The following FAM184A variants were observed in gnomAD, a reference collection of about 807,000 sequenced individuals.
FAM184A encodes protein FAM184A.
Under a neutral mutation model 143.8 loss-of-function variants are expected in FAM184A, and 99 were observed. That is an observed-to-expected ratio of 0.69 (90% CI 0.58 to 0.81). The LOEUF is 0.81. Ranked by LOEUF, FAM184A falls within the 40% of genes least tolerant of loss-of-function variation. The pLI is 0.00. For synonymous variants in FAM184A, 427 were observed against 446.4 expected, an observed-to-expected ratio of 0.96 and a Z score of 0.55; for missense variants, 1,217 against 1,310.5, an observed-to-expected ratio of 0.93 and a Z score of 1.10.
In FAM184A at chr6:119,110,256, G is replaced by A. The variant is rs112341487; in HGVS notation, c.-202+38822C>T. On this transcript the variant is annotated intron_variant, in intron 1 of 16. Coordinates refer to the FAM184A transcript ENST00000352896. ...CGTTTATTTTCCTGGTGGTCTCATCGTTACAGTATGGCTGTCCCACCTTTA... is the reference window on the plus strand; with the variant it reads ...CGTTTATTTTCCTGGTGGTCTCATCATTACAGTATGGCTGTCCCACCTTTA... 3.1e-3 allele frequency among the ~76,000 whole-genome samples: 479 copies of A among 152,220 alleles called. 1 individual carries two copies. The highest frequency in any genetic ancestry group is 0.011 in the African/African-American group (451 of 41,520).
At chr6:119,046,286 T>C (rs1034140626) in intron 1 of FAM184A, among the ~76,000 whole-genome samples, 1 of 151,380 alleles carries the variant, frequency 6.6e-6, no homozygotes, top group African/African-American at 2.4e-5. Flanking sequence ...TGCAGTGGCA[T>C]GATCTAGGCT....
intron 9 of FAM184A, among the ~76,000 whole-genome samples, chr6:118,991,818 A>C (rs1362100849): frequency 3.3e-5 from 4 of 119,532 alleles, no homozygotes; most frequent in African/African-American, 1.3e-4. Flanking sequence ...GCTGAAGTGC[A>C]GTGGTATGAT....
intron 16 of FAM184A, 106 bp from the exon 17 acceptor site, chr6:118,962,069 T>G: frequency 9.5e-7 from 1 of 1,056,330 alleles, no homozygotes. Flanking sequence ...TTGGAAGCTT[T>G]ATGTTAAATT....
intron 16 of FAM184A, chr6:118,962,963 C>T (rs553515185): frequency 7.9e-5 from 12 of 152,032 alleles, no homozygotes; most frequent in Non-Finnish European, 1.8e-4. Context: ...CAAGATGGAA[C>T]TTTTATTTTT....
upstream of FAM184A, among the ~76,000 whole-genome samples, chr6:119,083,354 G>A (rs1788126828): frequency 6.6e-6 from 1 of 152,150 alleles, no homozygotes; most frequent in Non-Finnish European, 1.5e-5. Flanking sequence ...TTCTGCAACT[G>A]GCCTGAATTT....
intron 10 of FAM184A, 24 bp downstream of exon 10, chr6:118,980,114 G>C (rs761885032): frequency 6.3e-7 from 1 of 1,596,144 alleles, no homozygotes; most frequent in Admixed American, 1.7e-5. Context: ...GGTTACATTT[G>C]AACGTATGTC....
Position 118,961,772 on chromosome 6 carries a change from C to G in FAM184A, c.3330G>C (p.Lys1110Asn). The G allele has an allele frequency of 6.2e-7, 1 of 1,613,596 alleles. No homozygotes were observed. ...LPQPVPPKGP[K>N]TFLSPAQSEA... ...GAGACGGGTCTCACCTCAAAAATGT[C>G]TTGGGCCCTTTAGGTGGCACTGGCT... The change falls in exon 17 of 18, where the codon AAG (lysine) becomes AAC (asparagine). Residue 1110 changes from lysine to asparagine, a missense_variant. By Grantham distance (94) the Lys-to-Asn change is moderately conservative (BLOSUM62 0). Transcript: ENST00000338891.
Position 118,998,185 on chromosome 6 carries a change from C to T in FAM184A, c.2088+4714G>A, listed in dbSNP as rs1039646219. 2.6e-5 allele frequency among the ~76,000 whole-genome samples: 4 copies of T among 152,194 alleles called. No individual in the cohort carries two copies. The East Asian group carries it at 7.7e-4, about 29-fold the overall frequency. ...ATTTCCTTTCTGTCTGGCTCAAACC[C>T]AAGTCAACTTTAATATTTTCTTCTC... On this transcript the variant is annotated intron_variant, in intron 9 of 17. Transcript: ENST00000338891.
chr6:119,126,746 C>G (rs191815469), intron 1 of FAM184A, among the ~76,000 whole-genome samples: 4 of 152,276 alleles, frequency 2.6e-5, no homozygotes, highest in Admixed American at 1.3e-4. Context: ...TTCTGTACCC[C>G]GAGCTCTTGT....
At chr6:119,008,536 C>A (rs1387867625) in intron 6 of FAM184A, among the ~76,000 whole-genome samples, 2 of 152,136 alleles carry the variant, frequency 1.3e-5, no homozygotes, top group Non-Finnish European at 2.9e-5. Context: ...TCTAGTCTTG[C>A]CTGATGCTAA....
intron 6 of FAM184A, among the ~76,000 whole-genome samples, chr6:119,008,961 C>T (rs1177653260): frequency 6.6e-6 from 1 of 152,188 alleles, no homozygotes; most frequent in East Asian, 1.9e-4. Context: ...GGCATCCCTT[C>T]TTCTTGGTCT....
chr6:119,054,571 G>A (rs1786888355), intron 1 of FAM184A, among the ~76,000 whole-genome samples: 1 of 152,080 alleles, frequency 6.6e-6, no homozygotes, highest in African/African-American at 2.4e-5. Flanking sequence ...TATTACACTG[G>A]GGATTAGATT....
chr6:119,023,904 A>G, intron 2 of FAM184A, 55 bp downstream of exon 2: 1 of 1,488,698 alleles, frequency 6.7e-7, no homozygotes, highest in Admixed American at 2.3e-5. Context: ...CCTACAAAAC[A>G]AATATTTTTA....
chr6:118,991,001 T>A (rs1313217801), intron 9 of FAM184A, among the ~76,000 whole-genome samples: 1 of 152,026 alleles, frequency 6.6e-6, no homozygotes, highest in Non-Finnish European at 1.5e-5. Flanking sequence ...CAACTATGTA[T>A]CTCACCCTGT....
intron 5 of FAM184A, among the ~76,000 whole-genome samples, chr6:119,015,390 G>A (rs1328858223): frequency 1.3e-5 from 2 of 152,148 alleles, no homozygotes; most frequent in Admixed American, 1.3e-4. Context: ...TTCTGGGTGG[G>A]TGTGGGCTTG....
intron 11 of FAM184A, 126 bp downstream of exon 11, chr6:118,979,239 G>T: frequency 1.2e-6 from 1 of 862,912 alleles, no homozygotes; most frequent in Non-Finnish European, 1.7e-6. Context: ...AAAATATGCA[G>T]TACACTTAGA....
rs572464210 is a variant in FAM184A, at chr6:119,108,723, A to G, written c.-202+40355T>C. Among the ~76,000 whole-genome samples, 363 of 152,254 alleles carry G rather than the reference A, an allele frequency of 2.4e-3. 3 individuals carry two copies. The highest frequency in any genetic ancestry group is 8.5e-3 in the African/African-American group (355 of 41,560). On this transcript the variant is annotated intron_variant, in intron 1 of 16. Transcript: ENST00000352896. ...GATGGATGGAGTTTGATGGAGAGTGAAGAGAGCTGCTGGCTCAGGAGCTGA... is the reference window on the plus strand; with the variant it reads ...GATGGATGGAGTTTGATGGAGAGTGGAGAGAGCTGCTGGCTCAGGAGCTGA...
At chr6:119,013,631 C>CA (rs1464624168) in intron 5 of FAM184A, among the ~76,000 whole-genome samples, 3 of 152,190 alleles carry the variant, frequency 2.0e-5, no homozygotes, top group Non-Finnish European at 4.4e-5. Context: ...ATACTACAGT[C>CA]AGAGTCTTGA....
intron 1 of FAM184A, among the ~76,000 whole-genome samples, chr6:119,124,557 C>A (rs1357575404): frequency 6.6e-6 from 1 of 152,018 alleles, no homozygotes; most frequent in African/African-American, 2.4e-5. Flanking sequence ...ATTAAAAAGA[C>A]CATTATATGC....
Sources: gnomAD v4.1 joint callset for allele counts (sites outside exome capture counted in the v4.1 genomes callset) on GRCh38, gnomAD v4.1.1 for gene constraint, MANE v1.5 for transcripts, NCBI Gene and HGNC (gene_info 2026-07-23, HGNC 2026-07-21) for gene names.